Variants in RBFOX3 observed in about 807,000 individuals in gnomAD.
RBFOX3 encodes RNA binding protein fox-1 homolog 3.
A neutral mutation model predicts 48.7 loss-of-function variants in RBFOX3; 17 were observed. The ratio of observed to expected loss-of-function variants is 0.35; its 90% CI spans 0.24 to 0.52. The LOEUF (loss-of-function observed/expected upper bound fraction) is 0.52. RBFOX3 is among the 20% of genes least tolerant of loss of function. RBFOX3 has a pLI of 0.94. For missense variants in RBFOX3, 382 were observed against 497.5 expected (o/e 0.77, Z 2.21); for synonymous variants, 212 against 209.5 (o/e 1.01, Z -0.10).
intron 4 of RBFOX3, among the ~76,000 whole-genome samples, chr17:79,219,473 C>T (rs927078263): frequency 6.6e-6 from 1 of 152,170 alleles, no homozygotes; most frequent in South Asian, 2.1e-4. Context: ...CCAGTTCCGC[C>T]CAGTTGAGCT....
In RBFOX3 at chr17:79,221,894, G is replaced by A. The variant is rs1327402290; in HGVS notation, c.-34+13872C>T. ...TGGGGCTGGCATGGATGCCTGGCAG[G>A]AGCGGGGAAGGGTGGAGGTGCAGAT... is the stretch of plus-strand genomic sequence containing the variant. On this transcript the variant is annotated intron_variant, in intron 4 of 14. Transcript: ENST00000693108. Among the ~76,000 whole-genome samples, 3 of 152,342 alleles carry A rather than the reference G, an allele frequency of 2.0e-5. No individual in the cohort carries two copies. The East Asian group carries it at 5.8e-4, about 29-fold the overall frequency.
chr17:79,148,182 T>C (rs1292518242), intron 4 of RBFOX3, among the ~76,000 whole-genome samples: 2 of 152,214 alleles, frequency 1.3e-5, no homozygotes, highest in East Asian at 3.8e-4. Context: ...CTAACACTCC[T>C]TGCAGCTGTG....
chr17:79,291,358 G>A (rs2073227802), intron 3 of RBFOX3, among the ~76,000 whole-genome samples: 2 of 152,214 alleles, frequency 1.3e-5, no homozygotes, highest in African/African-American at 2.4e-5. Context: ...CCATCAGCTA[G>A]GTTACAGTGT....
intron 2 of RBFOX3, among the ~76,000 whole-genome samples, chr17:79,416,458 C>A (rs2065372275): frequency 6.6e-6 from 1 of 152,234 alleles, no homozygotes; most frequent in African/African-American, 2.4e-5. Context: ...ACTGTCAGCC[C>A]CCACTATCCA....
At chr17:79,182,333 G>A (rs540608458) in intron 4 of RBFOX3, among the ~76,000 whole-genome samples, 2 of 152,308 alleles carry the variant, frequency 1.3e-5, no homozygotes, top group South Asian at 2.1e-4. Context: ...GCGCCAGGAG[G>A]AAGAGACAGG....
chr17:79,411,502 C>T (rs2064333763), intron 2 of RBFOX3, among the ~76,000 whole-genome samples: 1 of 152,194 alleles, frequency 6.6e-6, no homozygotes, highest in South Asian at 2.1e-4. Context: ...TCTCCCACCT[C>T]CCCTCCAGGT....
At chr17:79,617,811 AG>A in the RBFOX3 span, among the ~76,000 whole-genome samples, 15 of 152,358 alleles carry the variant, frequency 9.8e-5, no homozygotes, top group East Asian at 2.9e-3. Flanking sequence ...GAGAACACTG[AG>A]GCCCAGAATG....
At chr17:79,188,643 G>C (rs2053887259) in intron 4 of RBFOX3, among the ~76,000 whole-genome samples, 1 of 152,330 alleles carries the variant, frequency 6.6e-6, no homozygotes, top group African/African-American at 2.4e-5. Flanking sequence ...GCTCAGAGAA[G>C]GGGCTGTGGG....
Position 79,481,998 on chromosome 17 carries a change from G to C in RBFOX3, c.-175+456C>G, listed in dbSNP as rs2078850153. 6.6e-6 allele frequency among the ~76,000 whole-genome samples: 1 copy of C among 152,096 alleles called. No homozygotes were observed. The highest frequency in any genetic ancestry group is 6.5e-5 in the Admixed American group (1 of 15,276). Reference sequence around the variant, plus strand: ...AACGGCAGTCACCCTCTCGGGGTGGGAACAGAGGCATCATGCCGTCCCCTC... The same window carrying C: ...AACGGCAGTCACCCTCTCGGGGTGGCAACAGAGGCATCATGCCGTCCCCTC... On this transcript the variant is annotated intron_variant, in intron 2 of 14. Transcript: ENST00000693108. The surrounding 1 kb of genome is among the most constrained non-coding windows in gnomAD (Gnocchi z 5.4).
At chr17:79,134,458 G>A (rs754974500) in intron 4 of RBFOX3, among the ~76,000 whole-genome samples, 4 of 152,328 alleles carry the variant, frequency 2.6e-5, no homozygotes, top group Non-Finnish European at 4.4e-5. Context: ...ACGCCTGGTC[G>A]GTCACATGTG....
chr17:79,139,068 CCA>C (rs1176404281), intron 4 of RBFOX3, among the ~76,000 whole-genome samples: 2 of 150,940 alleles, frequency 1.3e-5, no homozygotes, highest in African/African-American at 2.4e-5. Flanking sequence ...CACCCCTCAC[CCA>C]CACACACATG....
the RBFOX3 span, among the ~76,000 whole-genome samples, chr17:79,658,445 T>A: frequency 8.0e-6 from 1 of 125,260 alleles, no homozygotes; most frequent in Admixed American, 8.6e-5. Flanking sequence ...CCCTGTCTCC[T>A]CCTCCTCCAC....
chr17:79,118,790 C>T (rs1474300225), intron 4 of RBFOX3, among the ~76,000 whole-genome samples: 2 of 144,072 alleles, frequency 1.4e-5, no homozygotes, highest in Non-Finnish European at 3.0e-5. Flanking sequence ...CTGGACAACA[C>T]AGTGAAACCC....
chr17:79,147,932 T>C (rs2144635995), intron 4 of RBFOX3, among the ~76,000 whole-genome samples: 1 of 152,354 alleles, frequency 6.6e-6, no homozygotes, highest in Non-Finnish European at 1.5e-5. Context: ...ATCCCCATCA[T>C]TTCTCAAGGA....
chr17:79,234,272 T>G (rs2061377227), intron 4 of RBFOX3: 1 of 152,312 alleles, frequency 6.6e-6, no homozygotes, highest in East Asian at 1.9e-4. Flanking sequence ...GAGCTGCCTC[T>G]GCCCGCAGCC....
chr17:79,446,750 CGGCCTAT>C (rs1311011964), intron 2 of RBFOX3, among the ~76,000 whole-genome samples: 4 of 151,936 alleles, frequency 2.6e-5, no homozygotes, highest in African/African-American at 9.6e-5. Context: ...TCTCAGCACA[CGGCCTAT>C]GGGGCAGCCC....
At chr17:79,231,518 T>G (rs1381153228) in intron 4 of RBFOX3, among the ~76,000 whole-genome samples, 2 of 152,112 alleles carry the variant, frequency 1.3e-5, no homozygotes, top group Non-Finnish European at 2.9e-5. Flanking sequence ...AAAACTGCCT[T>G]TGTTAACATA....
rs550836509 is a variant in RBFOX3 at position 79,256,372 on chromosome 17, C to T, written c.-73-20567G>A. On this transcript the variant is annotated intron_variant, in intron 3 of 14. Transcript: ENST00000693108. ...CCTACACATAGCAAGTTTGCTTGTG[C>T]CGGCCACCGGCTCCGGGAGCTGAAG... Among the ~76,000 whole-genome samples, 12 of 152,308 alleles carry T rather than the reference C, an allele frequency of 7.9e-5. No individual in the cohort carries two copies. In the East Asian group the frequency reaches 9.6e-4, roughly 12 times the overall value.
At chr17:79,192,169 C>T (rs2054647913) in intron 4 of RBFOX3, among the ~76,000 whole-genome samples, 1 of 152,108 alleles carries the variant, frequency 6.6e-6, no homozygotes, top group Admixed American at 6.5e-5. Context: ...GTTTTGGCCC[C>T]AACACAACTC....
Sources: allele counts gnomAD v4.1 joint callset (sites outside exome capture counted in the v4.1 genomes callset), GRCh38; gene constraint gnomAD v4.1.1; non-coding constraint Gnocchi (gnomAD v3.1); transcripts MANE v1.5; gene names NCBI Gene and HGNC (gene_info 2026-07-23, HGNC 2026-07-21).